Variants in FGF2 observed in about 807,000 individuals in gnomAD.
FGF2 encodes basic fibroblast growth factor bFGF.
A neutral mutation model predicts 15.9 loss-of-function variants in FGF2; 13 were observed. The ratio of observed to expected loss-of-function variants is 0.82; its 90% CI spans 0.53 to 1.30. The LOEUF (loss-of-function observed/expected upper bound fraction) is 1.30, where lower values mean the gene tolerates loss of function less well. Among genes scored for constraint, FGF2 ranks in the 50% most tolerant of loss-of-function variants. The probability of loss-of-function intolerance (pLI) is 0.00; values close to 1 mark genes in which losing one functional copy is unlikely to be tolerated. For synonymous variants in FGF2, 90 were observed against 78.4 expected (o/e 1.15, Z -0.78); for missense variants, 163 against 196.9 (o/e 0.83, Z 1.03).
At chr4:122,838,864 T>C (rs1265325755) in intron 1 of FGF2, among the ~76,000 whole-genome samples, 1 of 152,220 alleles carries the variant, frequency 6.6e-6, no homozygotes, top group East Asian at 1.9e-4. Context: ...ATGAATACCA[T>C]ACAGCCATGC....
At chr4:122,862,371 A>G (rs1726489681) in intron 1 of FGF2, among the ~76,000 whole-genome samples, 1 of 152,224 alleles carries the variant, frequency 6.6e-6, no homozygotes, top group Admixed American at 6.5e-5. Context: ...ATCCTGGGGC[A>G]TATACAAAAG....
At chr4:122,878,223 G>A (rs947446850) in intron 2 of FGF2, among the ~76,000 whole-genome samples, 1 of 152,158 alleles carries the variant, frequency 6.6e-6, no homozygotes, top group African/African-American at 2.4e-5. Flanking sequence ...AGGATAAGAA[G>A]TATTATGATA....
intron 2 of FGF2, among the ~76,000 whole-genome samples, chr4:122,890,275 A>T (rs770282385): frequency 2.0e-5 from 3 of 152,168 alleles, no homozygotes; most frequent in African/African-American, 7.2e-5. Context: ...CTCTTATCAC[A>T]TTTGAATCTT....
In FGF2 at chr4:122,893,222, T is replaced by G. The variant is rs770699994; in HGVS notation, c.*826T>G. The G allele has an allele frequency of 5.7e-6, 9 of 1,590,888 alleles. No homozygotes were observed. Among genetic ancestry groups the G allele is most frequent in the South Asian group, 1.1e-5 (1 of 87,678 alleles). ...TTCAAAAACTTCTCGAACCGCTGTG[T>G]CTCCTACGTAAAAAAAGAGATGTAC... is the stretch of plus-strand genomic sequence containing the variant. On this transcript the variant is annotated 3_prime_UTR_variant, in exon 3 of 3. Transcript: ENST00000644866.
chr4:122,893,066 A>G lies in FGF2; in HGVS notation c.*670A>G, dbSNP rs1486929585. 2 of 1,613,998 alleles carry G rather than the reference A, an allele frequency of 1.2e-6. No individual in the cohort carries two copies. Among genetic ancestry groups the G allele is most frequent in the African/African-American group, 2.7e-5 (2 of 74,900 alleles). On this transcript the variant is annotated 3_prime_UTR_variant, in exon 3 of 3. Transcript: ENST00000644866. ...ACATCTTAAGCATTCTTCCTGGCAA[A>G]AATTTATGGTGAATGAATATGGCTT...
chr4:122,831,752 G>A (rs1420423908), intron 1 of FGF2, among the ~76,000 whole-genome samples: 1 of 152,106 alleles, frequency 6.6e-6, no homozygotes, highest in African/African-American at 2.4e-5. Flanking sequence ...ATGCCCTGAG[G>A]GGTTTCATTT....
At chr4:122,828,926 G>C (rs1174637789) in intron 1 of FGF2, among the ~76,000 whole-genome samples, 2 of 152,168 alleles carry the variant, frequency 1.3e-5, no homozygotes, top group African/African-American at 4.8e-5. Flanking sequence ...GGTGCTGTGT[G>C]TCCCAATTGG....
intron 1 of FGF2, among the ~76,000 whole-genome samples, chr4:122,829,821 T>C (rs1037795975): frequency 6.6e-6 from 1 of 152,226 alleles, no homozygotes; most frequent in Non-Finnish European, 1.5e-5. Context: ...TCTATTTCTA[T>C]GTAGCCCAAC....
At chr4:122,844,572 TTTCTTTCTTTCTTTCTTCCTTCCTTC>T (rs1487577646) in intron 1 of FGF2, among the ~76,000 whole-genome samples, 3 of 125,776 alleles carry the variant, frequency 2.4e-5, no homozygotes, top group Admixed American at 7.5e-5. Context: ...TTTCTTTCTT[TTTCTTTCTTTCTTTCTTCCTTCCTTC>T]CTTCCTTCCT....
chr4:122,875,889 T>G (rs977021921), intron 1 of FGF2, among the ~76,000 whole-genome samples: 1 of 152,242 alleles, frequency 6.6e-6, no homozygotes, highest in African/African-American at 2.4e-5. Context: ...CAAATAACTT[T>G]TAAATAGTTT....
chr4:122,881,274 C>T (rs777379946), intron 2 of FGF2, among the ~76,000 whole-genome samples: 1 of 152,186 alleles, frequency 6.6e-6, no homozygotes. Context: ...TAACATCTGG[C>T]TCCCCATTAC....
chr4:122,875,296 G>A (rs1393247563), intron 1 of FGF2, among the ~76,000 whole-genome samples: 3 of 151,776 alleles, frequency 2.0e-5, no homozygotes, highest in Non-Finnish European at 2.9e-5. Flanking sequence ...ATAATGTGGT[G>A]TGACAAGTCA....
chr4:122,853,984 G>A (rs141939909), intron 1 of FGF2, among the ~76,000 whole-genome samples: 198 of 152,260 alleles, frequency 1.3e-3, no homozygotes, highest in Non-Finnish European at 2.1e-3. Flanking sequence ...TATTTGCTGC[G>A]TCTAGAGAGG....
intron 1 of FGF2, among the ~76,000 whole-genome samples, chr4:122,854,550 T>C (rs1365062569): frequency 6.6e-6 from 1 of 152,218 alleles, no homozygotes; most frequent in African/African-American, 2.4e-5. Flanking sequence ...TTTTATTCCT[T>C]TAAATACTCA....
chr4:122,865,275 T>G (rs1038667862), intron 1 of FGF2, among the ~76,000 whole-genome samples: 87 of 94,424 alleles, frequency 9.2e-4, no homozygotes, highest in Non-Finnish European at 1.3e-3. Flanking sequence ...TTCTCTGTTT[T>G]TTTTTGTTTG....
intron 1 of FGF2, among the ~76,000 whole-genome samples, chr4:122,830,939 G>A (rs1412977168): frequency 6.6e-6 from 1 of 151,940 alleles, no homozygotes; most frequent in Non-Finnish European, 1.5e-5. Context: ...AGAGGACGCT[G>A]AGACTTGGAA....
chr4:122,884,759 G>A (rs1214200546), intron 2 of FGF2: 1 of 151,704 alleles, frequency 6.6e-6, no homozygotes, highest in African/African-American at 2.4e-5. Context: ...TCTAAAATTA[G>A]GAGTGGACTA....
chr4:122,850,519 C>T lies in FGF2; in HGVS notation c.178+23167C>T, dbSNP rs975148091. On this transcript the variant is annotated intron_variant, in intron 1 of 2. Coordinates refer to ENST00000644866, the MANE Select transcript of FGF2 (RefSeq NM_001361665.2). The stretch of plus-strand genomic sequence containing the variant: ...TGATTTTTTTCTTCTCTTACATAGC[C>T]TCATATATTTTTTGGAGGAAGCAGA... 2.0e-5 allele frequency among the ~76,000 whole-genome samples: 3 copies of T among 151,884 alleles called. No homozygotes were observed. The East Asian group carries it at 5.8e-4, about 29-fold the overall frequency.
At chr4:122,839,718 T>C (rs1390894600) in intron 1 of FGF2, among the ~76,000 whole-genome samples, 1 of 152,186 alleles carries the variant, frequency 6.6e-6, no homozygotes, top group African/African-American at 2.4e-5. Context: ...ACATTCACAC[T>C]TGTGCCGGTC....
Sources: allele counts gnomAD v4.1 joint callset (sites outside exome capture counted in the v4.1 genomes callset), GRCh38; gene constraint gnomAD v4.1.1; transcripts MANE v1.5; gene names NCBI Gene and HGNC (gene_info 2026-07-23, HGNC 2026-07-21).